Variants in PLXNC1 observed in about 807,000 individuals in gnomAD.
PLXNC1 encodes the protein plexin-C1.
PLXNC1 carries 75 observed loss-of-function variants against 178.2 expected under a neutral mutation model. The observed-to-expected ratio is 0.42, with a 90% CI of 0.35 to 0.51. The LOEUF (loss-of-function observed/expected upper bound fraction) is 0.51, where lower values mean the gene tolerates loss of function less well. PLXNC1 is among the 20% of genes least tolerant of loss of function. The probability of loss-of-function intolerance (pLI) is 0.02; values close to 1 mark genes in which losing one functional copy is unlikely to be tolerated. For missense variants in PLXNC1, 1,503 were observed against 1,984.4 expected, an observed-to-expected ratio of 0.76 and a Z score of 4.61; for synonymous variants, 790 against 779.9, an observed-to-expected ratio of 1.01 and a Z score of -0.22.
chr12:94,288,279 G>A (rs747037696), intron 23 of PLXNC1, among the ~76,000 whole-genome samples: 2 of 152,156 alleles, frequency 1.3e-5, no homozygotes, highest in Admixed American at 6.5e-5. Context: ...CCAGCAGTCC[G>A]TGAAGATGAC....
At chr12:94,248,482 G>C (rs1443427823) in intron 14 of PLXNC1, 70 bp downstream of exon 14, 27 of 1,149,904 alleles carry the variant, frequency 2.3e-5, no homozygotes, top group Non-Finnish European at 1.9e-5. Context: ...CTAAACCAGA[G>C]GCCAGAATGG....
rs542429547 is a variant in PLXNC1, at chr12:94,187,887, G to A, written c.1439+1414G>A. ...TAGAGAAGCCTTAAGACCAGACGAA[G>A]GAGTGAGTGTTGATTGAGGAGAGAA... is the stretch of plus-strand genomic sequence containing the variant. On this transcript the variant is annotated intron_variant, in intron 4 of 30. Coordinates refer to ENST00000258526, the MANE Select transcript of PLXNC1 (RefSeq NM_005761.3). 2.6e-5 allele frequency among the ~76,000 whole-genome samples: 4 copies of A among 152,248 alleles called. No individual in the cohort carries two copies. The South Asian group carries it at 8.3e-4, about 32-fold the overall frequency.
Position 94,247,891 on chromosome 12 carries a change from C to G in PLXNC1, c.2389-12C>G. The stretch of plus-strand genomic sequence containing the variant: ...AACAAAGTTACTAAAACATTCTTTT[C>G]TTTTTGTCCAGGTCTCTGAATATTG... On this transcript the variant is annotated splice_polypyrimidine_tract_variant and intron_variant, in intron 12 of 30. Transcript: ENST00000258526. 1 of 1,612,264 alleles carries G rather than the reference C, an allele frequency of 6.2e-7. No individual in the cohort carries two copies. The highest frequency in any genetic ancestry group is 1.3e-5 in the African/African-American group (1 of 74,926).
intron 20 of PLXNC1, among the ~76,000 whole-genome samples, chr12:94,263,692 C>T (rs1265136708): frequency 2.0e-5 from 3 of 152,024 alleles, no homozygotes; most frequent in Non-Finnish European, 2.9e-5. Flanking sequence ...GGAAGTTTCT[C>T]ATGAGAATTA....
chr12:94,244,862 A>G (rs1387729125), intron 12 of PLXNC1, among the ~76,000 whole-genome samples: 1 of 152,314 alleles, frequency 6.6e-6, no homozygotes, highest in Admixed American at 6.5e-5. Context: ...TTCACATACA[A>G]GTCAGGCCTC....
chr12:94,288,010 C>T (rs972459326), intron 23 of PLXNC1, among the ~76,000 whole-genome samples: 5 of 152,118 alleles, frequency 3.3e-5, no homozygotes, highest in African/African-American at 9.7e-5. Context: ...TGAAAGCAGG[C>T]GAAATAACCA....
In PLXNC1 at chr12:94,170,607, T is replaced by G. The variant is rs546928209; in HGVS notation, c.1203+1314T>G. Among the ~76,000 whole-genome samples the G allele has an allele frequency of 2.3e-4, 35 of 152,280 alleles. 1 individual carries two copies. In the South Asian group the frequency reaches 7.1e-3, roughly 31 times the overall value. ...ATTCTTGTGGCTCATTCCAAATGTCTTGCCTGGAGACCTCACCTTTTCACT... is the reference window on the plus strand; with the variant it reads ...ATTCTTGTGGCTCATTCCAAATGTCGTGCCTGGAGACCTCACCTTTTCACT... On this transcript the variant is annotated intron_variant, in intron 2 of 30. Coordinates refer to ENST00000258526, the MANE Select transcript of PLXNC1 (RefSeq NM_005761.3).
intron 1 of PLXNC1, among the ~76,000 whole-genome samples, chr12:94,164,661 G>GCACACACA (rs3060912): frequency 2.7e-4 from 40 of 148,828 alleles, no homozygotes; most frequent in African/African-American, 9.2e-4. Flanking sequence ...ATGACTCCCT[G>GCACACACA]CACACACACA....
At chr12:94,273,346 G>A (rs1965702910) in intron 21 of PLXNC1, among the ~76,000 whole-genome samples, 1 of 152,112 alleles carries the variant, frequency 6.6e-6, no homozygotes, top group African/African-American at 2.4e-5. Context: ...CAAAGAAGGT[G>A]GGATTTTTTT....
chr12:94,197,054 T>A (rs1962941585), intron 4 of PLXNC1, among the ~76,000 whole-genome samples: 1 of 152,202 alleles, frequency 6.6e-6, no homozygotes, highest in Admixed American at 6.5e-5. Flanking sequence ...TTTTCCAGCT[T>A]TTGGAAGCAG....
At chr12:94,250,509 T>C (rs771698511) in intron 14 of PLXNC1, among the ~76,000 whole-genome samples, 26 of 152,160 alleles carry the variant, frequency 1.7e-4, no homozygotes, top group Non-Finnish European at 2.9e-5. Flanking sequence ...CTCCAGCTAC[T>C]GTGCTCAGAT....
chr12:94,301,401 T>TCTATTTGAATATACATAAAATGC (rs1050943274), intron 28 of PLXNC1, among the ~76,000 whole-genome samples: 2 of 152,212 alleles, frequency 1.3e-5, no homozygotes, highest in Non-Finnish European at 2.9e-5. Flanking sequence ...CTAAATCAAT[T>TCTATTTGAATATACATAAAATGC]CTATTTGAAT....
At chr12:94,183,397 A>G (rs1399859652) in intron 3 of PLXNC1, among the ~76,000 whole-genome samples, 1 of 152,152 alleles carries the variant, frequency 6.6e-6, no homozygotes, top group Non-Finnish European at 1.5e-5. Context: ...CCATGCAGAC[A>G]CTTTGTATTA....
In PLXNC1 at chr12:94,260,822, C is replaced by T. The variant is rs780833676; in HGVS notation, c.3432C>T (p.Cys1144=). ...TCCTCACAAACTGGATGTCCGTCTG[C>T]CTTTCTGGATTTCTCCGGGTAAGTG... ...EKLLTNWMSV[C]LSGFLRETVG... is the part of the protein sequence containing the mutation. The change falls in exon 20 of 31, where the codon TGC becomes TGT. Residue 1144 remains cysteine (C), a synonymous_variant. Coordinates refer to ENST00000258526, the MANE Select transcript of PLXNC1 (RefSeq NM_005761.3). This position sits in a 1 kb window ranked among gnomAD's most constrained non-coding sequence, Gnocchi z 4.4. The T allele has an allele frequency of 1.9e-6, 3 of 1,614,172 alleles. No homozygotes were observed. The Admixed American group carries it at 5.0e-5, about 27-fold the overall frequency.
intron 27 of PLXNC1, 83 bp from the exon 28 acceptor site, chr12:94,300,827 C>T: frequency 7.6e-7 from 1 of 1,320,666 alleles, no homozygotes; most frequent in Non-Finnish European, 1.0e-6. Flanking sequence ...AGGACAAAAA[C>T]ACCCGTTTAC....
In PLXNC1 at chr12:94,248,043, C is replaced by A. The variant is rs762716874; in HGVS notation, c.2529C>A (p.Asp843Glu). The part of the protein sequence containing the change: ...LDCGTLQYRE[D>E]PRFTGYRVES... ...GTGGAACCCTGCAGTATCGGGAGGACCCCAGATTCACGGGGTATCGGGTGG... is the reference window on the plus strand; with the variant it reads ...GTGGAACCCTGCAGTATCGGGAGGAACCCAGATTCACGGGGTATCGGGTGG... The change falls in exon 13 of 31, where the codon GAC becomes GAA. Residue 843 changes from aspartate (D) to glutamate (E), a missense_variant. Around this residue, in one of 4 missense-constraint regions of PLXNC1, gnomAD observed 639 missense variants for 979.7 expected, o/e 0.65. Transcript: ENST00000258526. 6.2e-7 allele frequency: 1 copy of A among 1,613,940 alleles called. No homozygotes were observed. The highest frequency in any genetic ancestry group is 8.5e-7 in the Non-Finnish European group (1 of 1,179,988).
rs1054845100 is a variant in PLXNC1, at chr12:94,303,970, C to A, written c.4528-7C>A. 3.1e-6 allele frequency: 5 copies of A among 1,605,022 alleles called. No individual in the cohort carries two copies. Among genetic ancestry groups the A allele is most frequent in the Non-Finnish European group, 4.3e-6 (5 of 1,172,824 alleles). ...TTTCAGAATCTCTCAACAAGTCTTT[C>A]TTTTAGAAACATGAAAATGAATTTA... On this transcript the variant is annotated splice_polypyrimidine_tract_variant and splice_region_variant and intron_variant, in intron 29 of 30. Transcript: ENST00000258526.
intron 4 of PLXNC1, among the ~76,000 whole-genome samples, chr12:94,196,156 T>C (rs1395394210): frequency 3.3e-5 from 5 of 152,140 alleles, no homozygotes; most frequent in Admixed American, 3.3e-4. Flanking sequence ...TGTTCTGTCA[T>C]CATGAGAGGT....
intron 4 of PLXNC1, among the ~76,000 whole-genome samples, chr12:94,193,096 T>G (rs1022655030): frequency 5.3e-5 from 8 of 152,106 alleles, no homozygotes; most frequent in Non-Finnish European, 1.5e-5. Flanking sequence ...GGGAAGCTGG[T>G]GTAGGGACCA....
Sources: allele counts gnomAD v4.1 joint callset (sites outside exome capture counted in the v4.1 genomes callset), GRCh38; gene constraint gnomAD v4.1.1; regional missense constraint gnomAD v4.1.1; non-coding constraint Gnocchi (gnomAD v3.1); transcripts MANE v1.5; gene names NCBI Gene and HGNC (gene_info 2026-07-23, HGNC 2026-07-21).